The following LNPEP variants were observed in gnomAD, a reference collection of about 807,000 sequenced individuals.
The protein encoded by LNPEP is leucyl-cystinyl aminopeptidase.
A neutral mutation model predicts 120.6 loss-of-function variants in LNPEP; 64 were observed. That is an observed-to-expected ratio of 0.53 (90% CI 0.43 to 0.65). The LOEUF (loss-of-function observed/expected upper bound fraction) is 0.65. Among genes scored for constraint, LNPEP ranks in the 30% least tolerant of loss-of-function variants. The probability of loss-of-function intolerance (pLI) is 0.00; values close to 1 mark genes in which losing one functional copy is unlikely to be tolerated. For missense variants in LNPEP, 1,057 were observed against 1,200.0 expected, an observed-to-expected ratio of 0.88 and a Z score of 1.76; for synonymous variants, 435 against 425.4, an observed-to-expected ratio of 1.02 and a Z score of -0.28.
intron 2 of LNPEP, among the ~76,000 whole-genome samples, chr5:96,983,342 G>T (rs1790169850): frequency 6.6e-6 from 1 of 152,184 alleles, no homozygotes; most frequent in South Asian, 2.1e-4. Context: ...GCCACGCTGG[G>T]ATGATCTCCC....
intron 1 of LNPEP, among the ~76,000 whole-genome samples, chr5:96,953,611 A>G (rs917723934): frequency 2.6e-5 from 4 of 152,240 alleles, no homozygotes; most frequent in East Asian, 1.9e-4. Flanking sequence ...TGAACATAAT[A>G]TGTGGCCAAA....
At chr5:96,961,651 C>T (rs577812206) in intron 1 of LNPEP, among the ~76,000 whole-genome samples, 28 of 152,078 alleles carry the variant, frequency 1.8e-4, no homozygotes, top group Non-Finnish European at 3.5e-4. Context: ...TCCCCTCCCC[C>T]CTACCAAAAT....
intron 1 of LNPEP, among the ~76,000 whole-genome samples, chr5:96,967,823 G>A (rs1305571146): frequency 2.6e-5 from 4 of 151,944 alleles, no homozygotes; most frequent in Admixed American, 2.6e-4. Context: ...AACATTTATG[G>A]CAGGTTTCTT....
chr5:96,944,228 A>G (rs982556679), intron 1 of LNPEP, among the ~76,000 whole-genome samples: 1 of 152,226 alleles, frequency 6.6e-6, no homozygotes, highest in Admixed American at 6.5e-5. Context: ...ATATTCATCA[A>G]TGAAACATCA....
At chr5:96,982,513 C>T (rs1001577697) in intron 2 of LNPEP, among the ~76,000 whole-genome samples, 12 of 152,194 alleles carry the variant, frequency 7.9e-5, no homozygotes, top group East Asian at 1.9e-4. Flanking sequence ...AAGGCTTTTT[C>T]GCCTTAGTGT....
At position 96,992,170 on chromosome 5, in the gene LNPEP, G is replaced by C. The variant is rs1051912587; in HGVS notation, c.1132-845G>C. Among the ~76,000 whole-genome samples the C allele has an allele frequency of 2.0e-5, 3 of 152,156 alleles. No homozygotes were observed. The East Asian group carries it at 5.8e-4, about 29-fold the overall frequency. ...TTATTCATTTAGCCAAAAAAAGAGA[G>C]AGTGAGCAAGAATTGCAATTTAATA... On this transcript the variant is annotated intron_variant, in intron 4 of 17. Coordinates refer to ENST00000231368, the MANE Select transcript of LNPEP (RefSeq NM_005575.3).
At chr5:97,017,780 A>G (rs1267916117) in intron 13 of LNPEP, among the ~76,000 whole-genome samples, 2 of 152,210 alleles carry the variant, frequency 1.3e-5, no homozygotes, top group African/African-American at 4.8e-5. Flanking sequence ...ATGTCTTAAA[A>G]TAACAGAAAT....
At chr5:97,014,227 C>G (rs1791008704) in intron 12 of LNPEP, among the ~76,000 whole-genome samples, 1 of 152,126 alleles carries the variant, frequency 6.6e-6, no homozygotes, top group Non-Finnish European at 1.5e-5. Flanking sequence ...GCCACCTTAT[C>G]TGTACTGCTT....
Position 97,032,975 on chromosome 5 carries a change from C to G in LNPEP, c.*4442C>G, listed in dbSNP as rs1382391810. 1 of 152,146 alleles carries G rather than the reference C, an allele frequency of 6.6e-6. No individual in the cohort carries two copies. The highest frequency in any genetic ancestry group is 2.4e-5 in the African/African-American group (1 of 41,436). The allele number at this position is 152,146 out of a possible 1,614,324, so 9.4% of individuals were successfully genotyped here. A position where few individuals can be genotyped will look rare whatever the true frequency, so the allele number is the denominator to read the frequency against. ...GTTTCCTTGTATGGATGCATATATA[C>G]TTAATGAAAATTGAGGTTCAGAGTA... On this transcript the variant is annotated 3_prime_UTR_variant, in exon 18 of 18. Coordinates refer to ENST00000231368, the MANE Select transcript of LNPEP (RefSeq NM_005575.3).
rs1448498936 is a variant in LNPEP at position 97,031,281 on chromosome 5, G to C, written c.*2748G>C. ...GAATTAGATAAGTCCAGTTTGTTCTGTTAATATAAAATGGTTAGATATATT... is the reference window on the plus strand; with the variant it reads ...GAATTAGATAAGTCCAGTTTGTTCTCTTAATATAAAATGGTTAGATATATT... On this transcript the variant is annotated 3_prime_UTR_variant, in exon 18 of 18. Transcript: ENST00000231368. 1 of 151,948 alleles carries C rather than the reference G, an allele frequency of 6.6e-6. No individual in the cohort carries two copies. Among genetic ancestry groups the C allele is most frequent in the African/African-American group, 2.4e-5 (1 of 41,362 alleles). The allele number at this position is 151,948 out of a possible 1,614,324, so 9.4% of individuals were successfully genotyped here.
At position 96,944,560 on chromosome 5, in the gene LNPEP, C is replaced by CTTTTTTTTTTT. The variant is rs60017687; in HGVS notation, c.19+8402_19+8412dup. 8.7e-4 allele frequency among the ~76,000 whole-genome samples: 49 copies of CTTTTTTTTTTT among 56,352 alleles called. 7 individuals are homozygous for CTTTTTTTTTTT. Among genetic ancestry groups the CTTTTTTTTTTT allele is most frequent in the East Asian group, 2.4e-3 (4 of 1,638 alleles). The allele number at this position is 56,352 out of a possible 152,430, so 37.0% of individuals were successfully genotyped here. On this transcript the variant is annotated intron_variant, in intron 1 of 17. Transcript: ENST00000231368. Reference sequence around the variant, plus strand: ...TTCTTTTTTGTTTTTCTTATTTTTGCTTTTTTTTTTTTTTTTTTTTTTTTT... The same window carrying CTTTTTTTTTTT: ...TTCTTTTTTGTTTTTCTTATTTTTGCTTTTTTTTTTTTTTTTTTTTTTTTTTTTTTTTTTTT...
intron 11 of LNPEP, chr5:97,010,659 T>G (rs1484532640): frequency 1.0e-6 from 1 of 984,986 alleles, no homozygotes; most frequent in Non-Finnish European, 1.2e-6. Context: ...TAAAAATCAC[T>G]GTTAGATTAC....
chr5:96,993,143 T>A lies in LNPEP; in HGVS notation c.1252+8T>A, dbSNP rs962584253. On this transcript the variant is annotated splice_region_variant and intron_variant, in intron 5 of 17. Transcript: ENST00000231368. The stretch of plus-strand genomic sequence containing the variant: ...ACCCACTTAAGAAATTGGGTAAGAA[T>A]CAAATAGTGTGTCTGATTTTTGTTA... The A allele has an allele frequency of 6.5e-7, 1 of 1,549,040 alleles. No individual in the cohort carries two copies. The highest frequency in any genetic ancestry group is 1.2e-5 in the South Asian group (1 of 82,908).
intron 16 of LNPEP, among the ~76,000 whole-genome samples, chr5:97,027,316 G>A (rs762921956): frequency 6.6e-5 from 10 of 151,494 alleles, no homozygotes; most frequent in Non-Finnish European, 1.2e-4. Flanking sequence ...TTGTGCCACT[G>A]CACTCCAGCC....
At position 97,036,748 on chromosome 5, in the gene LNPEP, GT is replaced by G. The variant is rs1397244781; in HGVS notation, c.*8216del. 6.6e-6 allele frequency: 1 copy of G among 152,078 alleles called. No individual in the cohort carries two copies. The highest frequency in any genetic ancestry group is 2.4e-5 in the African/African-American group (1 of 41,414). 9.4% of individuals were successfully genotyped at this position (152,078 alleles called of 1,614,324 possible). A position where few individuals can be genotyped will look rare whatever the true frequency, so the allele number is the denominator to read the frequency against. On this transcript the variant is annotated 3_prime_UTR_variant, in exon 18 of 18. Coordinates refer to ENST00000231368, the MANE Select transcript of LNPEP (RefSeq NM_005575.3). The stretch of plus-strand genomic sequence containing the variant: ...AATTTGCAAAGAAATGTTACATACT[GT>G]ATATCAAACTCTCAGATTCTAGTGT...
chr5:96,937,851 C>T (rs1409499974), intron 1 of LNPEP: 2 of 152,066 alleles, frequency 1.3e-5, no homozygotes, highest in African/African-American at 4.8e-5. Flanking sequence ...TTTGGGAGGA[C>T]AATGGAAAAA....
chr5:97,028,691 C>T lies in LNPEP; in HGVS notation c.*158C>T, dbSNP rs1791405491. On this transcript the variant is annotated 3_prime_UTR_variant, in exon 18 of 18. Transcript: ENST00000231368. ...TCAGGGCCTGACTGTATTTTTCATC[C>T]ATCTTTTCTGAAGTGTCTTTGGGCA... 2.4e-5 allele frequency: 16 copies of T among 670,670 alleles called. No individual in the cohort carries two copies. The highest frequency in any genetic ancestry group is 8.2e-5 in the Admixed American group (3 of 36,672). 41.5% of individuals were successfully genotyped at this position (670,670 alleles called of 1,614,324 possible).
chr5:97,028,487 T>G lies in LNPEP; in HGVS notation c.3032T>G (p.Ile1011Ser). The change falls in exon 18 of 18, where the codon ATC (isoleucine) becomes AGC (serine). Residue 1011 changes from isoleucine (I) to serine (S), a missense_variant. Coordinates refer to ENST00000231368, the MANE Select transcript of LNPEP (RefSeq NM_005575.3). ...GCTTTGGAAGTCATTCAGTTGAATA[T>G]CCAGTGGATGGAGAAGAACCTCAAA... The part of the protein sequence containing the change: ...QEALEVIQLN[I>S]QWMEKNLKSL... 5 of 1,614,062 alleles carry G rather than the reference T, an allele frequency of 3.1e-6. No individual in the cohort carries two copies. Among genetic ancestry groups the G allele is most frequent in the Non-Finnish European group, 4.2e-6 (5 of 1,179,898 alleles).
Position 97,014,996 on chromosome 5 carries a change from G to A in LNPEP, c.2277G>A (p.Glu759=). 1 of 1,593,286 alleles carries A rather than the reference G, an allele frequency of 6.3e-7. No homozygotes were observed. ...AFDLINYLGN[E]NHTAPITEAL... is the part of the protein sequence containing the mutation. ...ATTTGATTAATTATCTTGGAAATGA[G>A]AACCATACTGCACCCATCACCGAAG... Residue 759 remains glutamate, a synonymous_variant, in exon 13 of 18, where the codon GAG becomes GAA. Transcript: ENST00000231368.
Sources: allele counts gnomAD v4.1 joint callset (sites outside exome capture counted in the v4.1 genomes callset), GRCh38; gene constraint gnomAD v4.1.1; transcripts MANE v1.5; gene names NCBI Gene and HGNC (gene_info 2026-07-23, HGNC 2026-07-21).